The following HS6ST3 variants were observed in gnomAD, a reference collection of about 807,000 sequenced individuals.
The protein encoded by HS6ST3 is heparan-sulfate 6-O-sulfotransferase 3.
HS6ST3 carries 12 observed loss-of-function variants against 36.7 expected under a neutral mutation model. The observed-to-expected ratio is 0.33, with a 90% CI of 0.21 to 0.53. The LOEUF is 0.53. HS6ST3 is among the 20% of genes least tolerant of loss of function. HS6ST3 has a pLI of 0.95. For missense variants in HS6ST3, 584 were observed against 640.9 expected (o/e 0.91, Z 0.96); for synonymous variants, 240 against 257.5 (o/e 0.93, Z 0.65).
intron 1 of HS6ST3, among the ~76,000 whole-genome samples, chr13:96,425,065 T>C (rs1030789821): frequency 2.0e-5 from 3 of 152,204 alleles, no homozygotes; most frequent in Admixed American, 6.5e-5. Context: ...TAAGTATGAC[T>C]ACCGGCCCTA....
chr13:96,124,826 G>A (rs1212017515), intron 1 of HS6ST3, among the ~76,000 whole-genome samples: 1 of 152,172 alleles, frequency 6.6e-6, no homozygotes, highest in African/African-American at 2.4e-5. Flanking sequence ...ATCAAGTACT[G>A]ATAAGCAATA....
At chr13:96,184,221 A>AAGAGAGAGAG (rs1555389927) in intron 1 of HS6ST3, among the ~76,000 whole-genome samples, 6 of 61,008 alleles carry the variant, frequency 9.8e-5, no homozygotes, top group African/African-American at 4.4e-4. Flanking sequence ...AAAAAAAAAA[A>AAGAGAGAGAG]AGAGAGAGAG....
At chr13:96,315,458 C>A (rs1289145324) in intron 1 of HS6ST3, among the ~76,000 whole-genome samples, 1 of 151,840 alleles carries the variant, frequency 6.6e-6, no homozygotes, top group Non-Finnish European at 1.5e-5. Context: ...AGAACAATAA[C>A]TCTGGTACAA....
chr13:96,683,350 C>T (rs879547707), intron 1 of HS6ST3, among the ~76,000 whole-genome samples: 24 of 152,060 alleles, frequency 1.6e-4, no homozygotes, highest in Admixed American at 1.5e-3. Flanking sequence ...TCTCTTCCCA[C>T]ATTTTGATGT....
chr13:96,192,419 C>G (rs200113817), intron 1 of HS6ST3, among the ~76,000 whole-genome samples: 5 of 152,200 alleles, frequency 3.3e-5, no homozygotes, highest in African/African-American at 1.2e-4. Context: ...ATCCAATAGA[C>G]GCTTTTTCAA....
rs954216197 is a variant in HS6ST3 at position 96,264,137 on chromosome 13, A to AT, written c.707+172578dup. Among the ~76,000 whole-genome samples, 194 of 150,844 alleles carry AT rather than the reference A, an allele frequency of 1.3e-3. 1 individual carries two copies. The highest frequency in any genetic ancestry group is 3.4e-3 in the African/African-American group (140 of 41,152). Reference sequence around the variant, plus strand: ...CCTGGAAAACAAACTCATGCCTATGATTTTTTTTTTCTGTTTTAATCTCAG... The same window carrying AT: ...CCTGGAAAACAAACTCATGCCTATGATTTTTTTTTTTCTGTTTTAATCTCAG... On this transcript the variant is annotated intron_variant, in intron 1 of 1. Transcript: ENST00000376705.
intron 1 of HS6ST3, among the ~76,000 whole-genome samples, chr13:96,466,219 T>G (rs1252322574): frequency 6.6e-6 from 1 of 152,076 alleles, no homozygotes; most frequent in East Asian, 1.9e-4. Flanking sequence ...AGGCGGAGGT[T>G]GCAGTGAGCC....
At chr13:96,692,255 T>C (rs983108092) in intron 1 of HS6ST3, among the ~76,000 whole-genome samples, 1 of 152,146 alleles carries the variant, frequency 6.6e-6, no homozygotes, top group Non-Finnish European at 1.5e-5. Context: ...CCAAAATCCA[T>C]GAATGCCCAA....
intron 1 of HS6ST3, among the ~76,000 whole-genome samples, chr13:96,186,739 T>C (rs1360042028): frequency 6.6e-6 from 1 of 152,226 alleles, no homozygotes; most frequent in East Asian, 1.9e-4. Flanking sequence ...CCTTCACATA[T>C]CCGTTTCTAA....
intron 1 of HS6ST3, among the ~76,000 whole-genome samples, chr13:96,367,555 C>T (rs2055269056): frequency 6.6e-6 from 1 of 152,170 alleles, no homozygotes; most frequent in South Asian, 2.1e-4. Context: ...TCCTGCTTCT[C>T]AGTTTTTATT....
chr13:96,396,530 G>A (rs995074252), intron 1 of HS6ST3, among the ~76,000 whole-genome samples: 4 of 152,128 alleles, frequency 2.6e-5, no homozygotes, highest in African/African-American at 7.2e-5. Context: ...GAATTTTAAT[G>A]TTTCCTTGAT....
intron 1 of HS6ST3, among the ~76,000 whole-genome samples, chr13:96,735,617 C>A (rs988295126): frequency 1.3e-5 from 2 of 152,162 alleles, no homozygotes; most frequent in African/African-American, 4.8e-5. Flanking sequence ...AGAGTTGGCC[C>A]TGTCTACCTT....
chr13:96,426,626 A>G (rs1417697479), intron 1 of HS6ST3, among the ~76,000 whole-genome samples: 1 of 152,306 alleles, frequency 6.6e-6, no homozygotes, highest in Non-Finnish European at 1.5e-5. Flanking sequence ...GACTTTTTTT[A>G]GTAAAATGAT....
At chr13:96,183,545 T>A (rs2054250022) in intron 1 of HS6ST3, among the ~76,000 whole-genome samples, 1 of 152,184 alleles carries the variant, frequency 6.6e-6, no homozygotes, top group African/African-American at 2.4e-5. Context: ...CAGATAGATG[T>A]TGTTGTGGGT....
chr13:96,308,027 G>C (rs1289006561), intron 1 of HS6ST3, among the ~76,000 whole-genome samples: 1 of 152,076 alleles, frequency 6.6e-6, no homozygotes, highest in Non-Finnish European at 1.5e-5. Flanking sequence ...ATACTGAAAA[G>C]TAATAACATT....
intron 1 of HS6ST3, among the ~76,000 whole-genome samples, chr13:96,102,800 G>C (rs1776201185): frequency 6.6e-6 from 1 of 152,152 alleles, no homozygotes; most frequent in South Asian, 2.1e-4. Context: ...ACTTTCGCAA[G>C]CAAGTCATGA....
rs139358035 is a variant in HS6ST3 at position 96,458,195 on chromosome 13, A to G, written c.707+366626A>G. On this transcript the variant is annotated intron_variant, in intron 1 of 1. Transcript: ENST00000376705. ...ATTCCAAAAGCATTTACTAAGTCCT[A>G]TGCTCAAGGGTAATGGTTGAAAACC... 5.3e-5 allele frequency among the ~76,000 whole-genome samples: 8 copies of G among 152,274 alleles called. No individual in the cohort carries two copies. The East Asian group carries it at 1.2e-3, about 22-fold the overall frequency.
At chr13:96,609,420 T>C (rs1056693454) in intron 1 of HS6ST3, among the ~76,000 whole-genome samples, 11 of 152,236 alleles carry the variant, frequency 7.2e-5, no homozygotes, top group Admixed American at 3.9e-4. Flanking sequence ...CTTTTCATTC[T>C]TGTAAAATTT....
intron 1 of HS6ST3, among the ~76,000 whole-genome samples, chr13:96,726,423 T>C (rs1876007880): frequency 6.6e-6 from 1 of 152,226 alleles, no homozygotes; most frequent in Admixed American, 6.5e-5. Context: ...GTACAGGACT[T>C]ATATGTCTTT....
Sources: allele counts gnomAD v4.1 joint callset (sites outside exome capture counted in the v4.1 genomes callset), GRCh38; gene constraint gnomAD v4.1.1; transcripts MANE v1.5; gene names NCBI Gene and HGNC (gene_info 2026-07-23, HGNC 2026-07-21).